The following SLC4A7 variants were observed in gnomAD, a reference collection of about 807,000 sequenced individuals.
SLC4A7 encodes sodium bicarbonate cotransporter 3.
A neutral mutation model predicts 137.6 loss-of-function variants in SLC4A7; 51 were observed. That is an observed-to-expected ratio of 0.37 (90% CI 0.30 to 0.47). The LOEUF (loss-of-function observed/expected upper bound fraction) is 0.47. SLC4A7 is among the 20% of genes least tolerant of loss of function. SLC4A7 has a pLI of 1.00. For missense variants in SLC4A7, 1,247 were observed against 1,525.4 expected (o/e 0.82, Z 3.04); for synonymous variants, 542 against 518.6 (o/e 1.05, Z -0.61).
chr3:27,386,244 G>A (rs2050940992), intron 22 of SLC4A7, among the ~76,000 whole-genome samples: 1 of 150,342 alleles, frequency 6.7e-6, no homozygotes, highest in Non-Finnish European at 1.5e-5. Context: ...AAAGGAAATG[G>A]CATTCTTAAC....
chr3:27,464,957 C>T (rs1046844259), intron 1 of SLC4A7, among the ~76,000 whole-genome samples: 5 of 152,062 alleles, frequency 3.3e-5, no homozygotes, highest in Non-Finnish European at 7.4e-5. Context: ...CTTTTTCGCC[C>T]AATAAATTCG....
intron 10 of SLC4A7, among the ~76,000 whole-genome samples, chr3:27,419,915 G>A (rs1301407079): frequency 2.6e-5 from 4 of 151,820 alleles, no homozygotes; most frequent in African/African-American, 7.3e-5. Flanking sequence ...TGTGACAGGC[G>A]CGGTGGCTCA....
chr3:27,443,181 C>T (rs772441922), intron 3 of SLC4A7, among the ~76,000 whole-genome samples: 1 of 151,728 alleles, frequency 6.6e-6, no homozygotes, highest in Non-Finnish European at 1.5e-5. Flanking sequence ...CAGGAACGTG[C>T]CAAAACGCCT....
At chr3:27,430,040 A>C (rs2056106879) in intron 7 of SLC4A7, among the ~76,000 whole-genome samples, 1 of 151,946 alleles carries the variant, frequency 6.6e-6, no homozygotes, top group Admixed American at 6.6e-5. Context: ...ACACAGCAAG[A>C]TACCGTCTCT....
chr3:27,384,969 G>A (rs947367778), intron 23 of SLC4A7, among the ~76,000 whole-genome samples: 3 of 151,840 alleles, frequency 2.0e-5, no homozygotes, highest in Admixed American at 6.6e-5. Context: ...ACCCTCATAC[G>A]TATTTACATA....
At chr3:27,460,839 C>A (rs1047008284) in intron 1 of SLC4A7, among the ~76,000 whole-genome samples, 6 of 152,162 alleles carry the variant, frequency 3.9e-5, no homozygotes, top group African/African-American at 1.4e-4. Flanking sequence ...CTAATACCCA[C>A]CAGGTTTTTG....
At chr3:27,459,335 T>C (rs1436125408) in intron 1 of SLC4A7, among the ~76,000 whole-genome samples, 1 of 152,204 alleles carries the variant, frequency 6.6e-6, no homozygotes, top group African/African-American at 2.4e-5. Flanking sequence ...CAAACCAATA[T>C]TCCAATAAAA....
At chr3:27,430,699 C>G (rs1417060467) in intron 7 of SLC4A7, among the ~76,000 whole-genome samples, 4 of 151,620 alleles carry the variant, frequency 2.6e-5, no homozygotes, top group African/African-American at 9.7e-5. Context: ...GACGTGGTGG[C>G]TCAGTCCTGT....
chr3:27,454,666 T>C (rs1003400916), intron 1 of SLC4A7, among the ~76,000 whole-genome samples: 1 of 152,176 alleles, frequency 6.6e-6, no homozygotes, highest in African/African-American at 2.4e-5. Flanking sequence ...AATGACTTCA[T>C]GTCATTTAGT....
chr3:27,457,844 C>T (rs2058492560), intron 1 of SLC4A7, among the ~76,000 whole-genome samples: 1 of 152,108 alleles, frequency 6.6e-6, no homozygotes, highest in Non-Finnish European at 1.5e-5. Context: ...TGCAAGTTTT[C>T]CAAAATTCTA....
intron 1 of SLC4A7, among the ~76,000 whole-genome samples, chr3:27,466,515 G>A (rs1391900307): frequency 6.6e-6 from 1 of 151,696 alleles, no homozygotes; most frequent in Non-Finnish European, 1.5e-5. Flanking sequence ...GAGAAGATAC[G>A]TTTTAAATTC....
At chr3:27,411,597 C>A (rs2053905365) in intron 12 of SLC4A7, 45 bp downstream of exon 12, 5 of 986,020 alleles carry the variant, frequency 5.1e-6, no homozygotes, top group African/African-American at 1.7e-5. Context: ...ATGTTTTCAT[C>A]AAATCATCCC....
intron 3 of SLC4A7, among the ~76,000 whole-genome samples, chr3:27,444,939 A>G (rs2057474809): frequency 6.6e-6 from 1 of 152,160 alleles, no homozygotes; most frequent in Admixed American, 6.5e-5. Context: ...CCTGGCATAT[A>G]GTTAATTTAA....
At chr3:27,444,341 C>T (rs1311351816) in intron 3 of SLC4A7, among the ~76,000 whole-genome samples, 2 of 152,144 alleles carry the variant, frequency 1.3e-5, no homozygotes, top group Non-Finnish European at 2.9e-5. Flanking sequence ...CTCCTTGGAT[C>T]TATGAGTTCA....
chr3:27,455,170 G>A (rs763383623), intron 1 of SLC4A7, among the ~76,000 whole-genome samples: 3 of 152,130 alleles, frequency 2.0e-5, no homozygotes, highest in Non-Finnish European at 4.4e-5. Flanking sequence ...AAAAATGTGT[G>A]TCAATAGTAA....
intron 13 of SLC4A7, 121 bp downstream of exon 13, chr3:27,409,235 G>T: frequency 4.2e-6 from 3 of 721,376 alleles, no homozygotes; most frequent in Non-Finnish European, 6.5e-6. Context: ...TCTGCTTTGG[G>T]TCACGTTAAT....
At chr3:27,470,208 T>C (rs1219686194) in intron 1 of SLC4A7, among the ~76,000 whole-genome samples, 4 of 152,142 alleles carry the variant, frequency 2.6e-5, no homozygotes, top group African/African-American at 9.7e-5. Flanking sequence ...TAAACAGTCT[T>C]GCTAGCTAAT....
intron 6 of SLC4A7, among the ~76,000 whole-genome samples, chr3:27,432,732 G>A (rs1348581672): frequency 6.6e-6 from 1 of 152,078 alleles, no homozygotes; most frequent in African/African-American, 2.4e-5. Flanking sequence ...GCATTTAAAA[G>A]AAAACAGTCA....
At position 27,431,631 on chromosome 3, in the gene SLC4A7, C is replaced by A. The variant is rs1387532051; in HGVS notation, c.817G>T (p.Gly273Cys). ...LSASRHSLRT[G>C]LSASNLSLRG... The stretch of plus-strand genomic sequence containing the variant: ...AAGGAAAGGTTTGAGGCAGACAGAC[C>A]TGTTCGCAAAGAGTGGCGGGAGGCT... The change falls in exon 7 of 26, where the codon GGT becomes TGT. Residue 273 changes from glycine (G) to cysteine (C), a missense_variant. Around this residue, in one of 6 missense-constraint regions of SLC4A7, gnomAD observed 223 missense variants for 203.6 expected, o/e 1.10. Coordinates refer to ENST00000454389, the MANE Select transcript of SLC4A7 (RefSeq NM_001321103.2). 1 of 1,604,510 alleles carries A rather than the reference C, an allele frequency of 6.2e-7. No homozygotes were observed. The highest frequency in any genetic ancestry group is 1.3e-5 in the African/African-American group (1 of 74,488).
Sources: gnomAD v4.1 joint callset for allele counts (sites outside exome capture counted in the v4.1 genomes callset) on GRCh38, gnomAD v4.1.1 for gene constraint, gnomAD v4.1.1 regional missense constraint, MANE v1.5 for transcripts, NCBI Gene and HGNC (gene_info 2026-07-23, HGNC 2026-07-21) for gene names.